DOCK5: variants seen among roughly 807,000 people sequenced by gnomAD.
The protein encoded by DOCK5 is dedicator of cytokinesis protein 5.
Under a neutral mutation model 251.8 loss-of-function variants are expected in DOCK5, and 142 were observed. That is an observed-to-expected ratio of 0.56 (90% CI 0.49 to 0.65). The LOEUF (loss-of-function observed/expected upper bound fraction) is 0.65. Among genes scored for constraint, DOCK5 ranks in the 30% least tolerant of loss-of-function variants. DOCK5 has a pLI of 0.00. For missense variants in DOCK5, 2,111 were observed against 2,312.3 expected (o/e 0.91, Z 1.79); for synonymous variants, 842 against 835.5 (o/e 1.01, Z -0.13).
At chr8:25,334,033 G>A (rs540779481) in intron 20 of DOCK5, 63 bp from the exon 21 acceptor site, 349 of 1,262,590 alleles carry the variant, frequency 2.8e-4, no homozygotes, top group Non-Finnish European at 3.8e-4. Context: ...GTTAAAATGC[G>A]GCTTGTTGAC....
At chr8:25,248,363 T>C (rs891390785) in intron 2 of DOCK5, among the ~76,000 whole-genome samples, 1 of 152,144 alleles carries the variant, frequency 6.6e-6, no homozygotes, top group African/African-American at 2.4e-5. Flanking sequence ...TCTACCCCTC[T>C]TCTCCTAGTC....
rs1800626324 is a variant in DOCK5 at position 25,358,907 on chromosome 8, T to A, written c.2851-56T>A. 6.0e-6 allele frequency: 9 copies of A among 1,502,836 alleles called. 1 individual carries two copies. In the South Asian group the frequency reaches 1.0e-4, roughly 17 times the overall value. 93.1% of individuals were successfully genotyped at this position (1,502,836 alleles called of 1,614,324 possible). A position where few individuals can be genotyped will look rare whatever the true frequency, so the allele number is the denominator to read the frequency against. ...CAAGTTCATGGGGCTCACATAGTGT[T>A]TTTGTCAGTTGGTGGTCTAAGGAGT... On this transcript the variant is annotated intron_variant, in intron 27 of 51. Transcript: ENST00000276440.
Position 25,399,953 on chromosome 8 carries a change from C to A in DOCK5, c.4747C>A (p.Gln1583Lys), listed in dbSNP as rs1801408707. The A allele has an allele frequency of 6.2e-7, 1 of 1,613,448 alleles. No homozygotes were observed. Among genetic ancestry groups the A allele is most frequent in the Admixed American group, 1.7e-5 (1 of 59,954 alleles). The change falls in exon 46 of 52, where the codon CAG (glutamine) becomes AAG (lysine). Residue 1583 changes from glutamine to lysine, a missense_variant. Gln to Lys is a moderately conservative substitution (Grantham distance 53). Transcript: ENST00000276440. ...EKYLQEHPED[Q>K]EKVELLKRLI... Reference sequence around the variant, plus strand: ...GTACTTGCAGGAGCATCCTGAAGACCAGGAGAAGGTTGAGCTGCTAAAGCG... The same window carrying A: ...GTACTTGCAGGAGCATCCTGAAGACAAGGAGAAGGTTGAGCTGCTAAAGCG...
At chr8:25,348,094 A>G (rs1026640881) in intron 26 of DOCK5, among the ~76,000 whole-genome samples, 1 of 152,100 alleles carries the variant, frequency 6.6e-6, no homozygotes, top group Non-Finnish European at 1.5e-5. Context: ...TTTTTTCTTC[A>G]TAAACATTTT....
At chr8:25,318,345 T>A (rs957719794) in intron 14 of DOCK5, among the ~76,000 whole-genome samples, 1 of 152,130 alleles carries the variant, frequency 6.6e-6, no homozygotes, top group African/African-American at 2.4e-5. Flanking sequence ...TGCCTCAGCC[T>A]CCCAAAGTGC....
intron 25 of DOCK5, among the ~76,000 whole-genome samples, chr8:25,343,877 C>T (rs1800309674): frequency 6.6e-6 from 1 of 152,208 alleles, no homozygotes; most frequent in Non-Finnish European, 1.5e-5. Context: ...ATGAACTTGG[C>T]TCACTGCAAC....
At chr8:25,410,707 C>T (rs544895491) in intron 51 of DOCK5, among the ~76,000 whole-genome samples, 3 of 138,378 alleles carry the variant, frequency 2.2e-5, no homozygotes, top group Admixed American at 7.4e-5. Flanking sequence ...AGTGATCCCC[C>T]CCACCCACCT....
intron 1 of DOCK5, among the ~76,000 whole-genome samples, chr8:25,239,459 G>A (rs957493306): frequency 1.3e-5 from 2 of 151,750 alleles, no homozygotes; most frequent in Admixed American, 6.6e-5. Context: ...TCCAATGACC[G>A]GAACCAGGAA....
chr8:25,266,043 A>G lies in DOCK5; in HGVS notation c.128-2802A>G, dbSNP rs150527577. Among the ~76,000 whole-genome samples the G allele has an allele frequency of 4.4e-3, 666 of 151,932 alleles. 4 individuals are homozygous for G. The highest frequency in any genetic ancestry group is 0.037 in the Middle Eastern group (11 of 294). On this transcript the variant is annotated intron_variant, in intron 2 of 51. Coordinates refer to ENST00000276440, the MANE Select transcript of DOCK5 (RefSeq NM_024940.8). Reference sequence around the variant, plus strand: ...GGTTGCCATGAATTTGCTTTTTGCAACTGTCATTTCCCCTAAATGTAGGCA... The same window carrying G: ...GGTTGCCATGAATTTGCTTTTTGCAGCTGTCATTTCCCCTAAATGTAGGCA...
At position 25,351,788 on chromosome 8, in the gene DOCK5, C is replaced by T. The variant is rs770509527; in HGVS notation, c.2812C>T (p.Arg938Trp). The change falls in exon 27 of 52, where the codon CGG (arginine) becomes TGG (tryptophan). Residue 938 changes from arginine to tryptophan, a missense_variant. Arg to Trp is a moderately radical substitution (Grantham distance 101, BLOSUM62 -3). Coordinates refer to ENST00000276440, the MANE Select transcript of DOCK5 (RefSeq NM_024940.8). ...GGAACGGCTGCTGAGAAGGATCAAC[C>T]GGACAGTGATTGGGATGAACCGGCA... ...IMERLLRRIN[R>W]TVIGMNRQSP... is the part of the protein sequence containing the mutation. 8.7e-6 allele frequency: 14 copies of T among 1,613,868 alleles called. No homozygotes were observed. The highest frequency in any genetic ancestry group is 1.3e-5 in the African/African-American group (1 of 75,028).
At chr8:25,209,138 C>G (rs1275726927) in intron 1 of DOCK5, among the ~76,000 whole-genome samples, 1 of 152,106 alleles carries the variant, frequency 6.6e-6, no homozygotes. Flanking sequence ...GTGCACTGCT[C>G]TAGTATGAAA....
chr8:25,235,373 A>G (rs1230400350), intron 1 of DOCK5, among the ~76,000 whole-genome samples: 1 of 151,448 alleles, frequency 6.6e-6, no homozygotes, highest in Admixed American at 6.6e-5. Context: ...CGATCCTCCC[A>G]CCTCACCCTC....
At chr8:25,371,461 C>G (rs1376612215) in intron 34 of DOCK5, among the ~76,000 whole-genome samples, 1 of 151,706 alleles carries the variant, frequency 6.6e-6, no homozygotes, top group African/African-American at 2.4e-5. Context: ...AGCAAGACTC[C>G]GTCTCAAAAA....
At chr8:25,286,151 C>T (rs1804325039) in intron 5 of DOCK5, among the ~76,000 whole-genome samples, 1 of 152,064 alleles carries the variant, frequency 6.6e-6, no homozygotes, top group Admixed American at 6.6e-5. Context: ...TCCCTGGAGT[C>T]AGTGTAGCTC....
At chr8:25,314,041 G>A (rs1300989105) in intron 13 of DOCK5, among the ~76,000 whole-genome samples, 3 of 151,196 alleles carry the variant, frequency 2.0e-5, no homozygotes, top group Non-Finnish European at 4.4e-5. Flanking sequence ...TGTAGCTCCA[G>A]GACCAAGACC....
intron 3 of DOCK5, among the ~76,000 whole-genome samples, chr8:25,272,416 C>G (rs1183711107): frequency 6.6e-6 from 1 of 152,204 alleles, no homozygotes; most frequent in African/African-American, 2.4e-5. Context: ...TCACAAGATT[C>G]ATCACTCTGC....
At chr8:25,224,688 G>A (rs1802483838) in intron 1 of DOCK5, among the ~76,000 whole-genome samples, 1 of 152,138 alleles carries the variant, frequency 6.6e-6, no homozygotes, top group Non-Finnish European at 1.5e-5. Flanking sequence ...GAAAGACATG[G>A]CATCATATTT....
chr8:25,354,950 T>C (rs1328563743), intron 27 of DOCK5, among the ~76,000 whole-genome samples: 1 of 152,160 alleles, frequency 6.6e-6, no homozygotes, highest in African/African-American at 2.4e-5. Context: ...TCAAGATATT[T>C]AGGCCAAGCA....
chr8:25,304,504 C>T (rs1296638264), intron 11 of DOCK5, 177 bp downstream of exon 11: 6 of 547,592 alleles, frequency 1.1e-5, no homozygotes, highest in Non-Finnish European at 1.9e-5. Flanking sequence ...TGATGTTGGA[C>T]TCCCATTGAA....
Sources: gnomAD v4.1 joint callset for allele counts (sites outside exome capture counted in the v4.1 genomes callset) on GRCh38, gnomAD v4.1.1 for gene constraint, MANE v1.5 for transcripts, NCBI Gene and HGNC (gene_info 2026-07-23, HGNC 2026-07-21) for gene names.